PCDHGB3: variants seen among roughly 807,000 people sequenced by gnomAD.
PCDHGB3 encodes protocadherin gamma subfamily B, 3.
A neutral mutation model predicts 59.2 loss-of-function variants in PCDHGB3; 40 were observed. That is an observed-to-expected ratio of 0.68 (90% CI 0.52 to 0.88). The LOEUF is 0.88. Ranked by LOEUF, PCDHGB3 falls within the 40% of genes least tolerant of loss-of-function variation. PCDHGB3 has a pLI of 0.00. For synonymous variants in PCDHGB3, 581 were observed against 503.6 expected (o/e 1.15, Z -2.06); for missense variants, 1,309 against 1,187.9 (o/e 1.10, Z -1.50).
At chr5:141,449,266 G>T (rs1398403120) in intron 1 of PCDHGB3, among the ~76,000 whole-genome samples, 1 of 152,042 alleles carries the variant, frequency 6.6e-6, no homozygotes, top group Non-Finnish European at 1.5e-5. Context: ...ACAAAGAACT[G>T]TATCTCCTTC....
At position 141,477,167 on chromosome 5, in the gene PCDHGB3, G is replaced by A; in HGVS notation, c.2416-17640G>A. On this transcript the variant is annotated intron_variant, in intron 1 of 3. Coordinates refer to ENST00000576222, the MANE Select transcript of PCDHGB3 (RefSeq NM_018924.5). This position sits in a 1 kb window ranked among gnomAD's most constrained non-coding sequence, Gnocchi z 4.9. ...TGTGGATGTGAATGACAACGCCCCGGAGATCACAGTCACCTCCGTGTACAG... is the reference window on the plus strand; with the variant it reads ...TGTGGATGTGAATGACAACGCCCCGAAGATCACAGTCACCTCCGTGTACAG... 6.2e-7 allele frequency: 1 copy of A among 1,614,166 alleles called. No homozygotes were observed. Among genetic ancestry groups the A allele is most frequent in the South Asian group, 1.1e-5 (1 of 91,076 alleles).
At chr5:141,453,495 C>T (rs1490576605) in intron 1 of PCDHGB3, among the ~76,000 whole-genome samples, 1 of 151,968 alleles carries the variant, frequency 6.6e-6, no homozygotes, top group Admixed American at 6.6e-5. Flanking sequence ...AAAAGGTGTA[C>T]TCAGAAAATT....
intron 1 of PCDHGB3, among the ~76,000 whole-genome samples, chr5:141,443,654 G>A (rs2098397947): frequency 6.6e-6 from 1 of 152,150 alleles, no homozygotes; most frequent in Non-Finnish European, 1.5e-5. Context: ...TGTTAGCATA[G>A]CATTTTACTG....
chr5:141,495,205 C>T (rs977479495), intron 2 of PCDHGB3, among the ~76,000 whole-genome samples: 1 of 152,212 alleles, frequency 6.6e-6, no homozygotes, highest in African/African-American at 2.4e-5. Flanking sequence ...TACTGCCTAA[C>T]CCCCTCCCCT....
At chr5:141,401,296 C>A (rs2094138441) in intron 1 of PCDHGB3, among the ~76,000 whole-genome samples, 1 of 152,104 alleles carries the variant, frequency 6.6e-6, no homozygotes, top group Non-Finnish European at 1.5e-5. Flanking sequence ...GAGCCGAGAT[C>A]ACTCCATTGC....
intron 1 of PCDHGB3, chr5:141,399,197 T>G: frequency 6.2e-7 from 1 of 1,613,926 alleles, no homozygotes; most frequent in Non-Finnish European, 8.5e-7. Context: ...GAAAACGCGG[T>G]GCCTGGAACA....
intron 1 of PCDHGB3, chr5:141,390,095 T>TC: frequency 6.2e-7 from 1 of 1,613,972 alleles, no homozygotes; most frequent in South Asian, 1.1e-5. Flanking sequence ...AATCCGTGGT[T>TC]CCCCCCAACT....
chr5:141,433,199 ATCT>A (rs1202688924), intron 1 of PCDHGB3: 4 of 1,579,570 alleles, frequency 2.5e-6, no homozygotes, highest in East Asian at 2.2e-5. Context: ...TTTATATCAA[ATCT>A]TCTTTCTTTT....
chr5:141,420,089 A>G lies in PCDHGB3; in HGVS notation c.2415+47280A>G. On this transcript the variant is annotated intron_variant, in intron 1 of 3. Transcript: ENST00000576222. The stretch of plus-strand genomic sequence containing the variant: ...CGGACCTGTGGGTCCCCCCAACTAC[A>G]GTGAGGGAACGTTGCCCTATGCCTA... 2.5e-6 allele frequency: 4 copies of G among 1,613,986 alleles called. No individual in the cohort carries two copies. Among genetic ancestry groups the G allele is most frequent in the Middle Eastern group, 1.6e-4 (1 of 6,062 alleles).
chr5:141,404,517 A>C (rs1268035794), intron 1 of PCDHGB3: 1 of 1,613,938 alleles, frequency 6.2e-7, no homozygotes, highest in South Asian at 1.1e-5. Flanking sequence ...TCCTTTGACT[A>C]TGAGCAGTTT....
At chr5:141,375,942 G>T in intron 1 of PCDHGB3, 4 of 1,613,518 alleles carry the variant, frequency 2.5e-6, no homozygotes, top group Non-Finnish European at 2.5e-6. Flanking sequence ...TTCTCAGTGG[G>T]CCTGCACACG....
In PCDHGB3 at chr5:141,489,561, G is replaced by A. The variant is rs1750812409; in HGVS notation, c.2416-5246G>A. 6.2e-7 allele frequency: 1 copy of A among 1,614,106 alleles called. No homozygotes were observed. Among genetic ancestry groups the A allele is most frequent in the Non-Finnish European group, 8.5e-7 (1 of 1,180,026 alleles). On this transcript the variant is annotated intron_variant, in intron 1 of 3. Coordinates refer to ENST00000576222, the MANE Select transcript of PCDHGB3 (RefSeq NM_018924.5). The surrounding 1 kb of genome is among the most constrained non-coding windows in gnomAD (Gnocchi z 4.5). Reference sequence around the variant, plus strand: ...GCACCAGCTGCCTGCTGCCAGTGCAGGTGGTGACTGAACACCCCCTGGAGC... The same window carrying A: ...GCACCAGCTGCCTGCTGCCAGTGCAAGTGGTGACTGAACACCCCCTGGAGC...
intron 1 of PCDHGB3, chr5:141,388,006 T>C (rs1353495946): frequency 6.7e-7 from 1 of 1,482,372 alleles, no homozygotes; most frequent in African/African-American, 1.4e-5. Flanking sequence ...CCCGAGGAAA[T>C]GCCCAAGGGC....
At chr5:141,414,452 T>G in intron 1 of PCDHGB3, 1 of 1,613,886 alleles carries the variant, frequency 6.2e-7, no homozygotes, top group Non-Finnish European at 8.5e-7. Context: ...AATATCACAG[T>G]GACAGCCACA....
At chr5:141,423,460 G>A in intron 1 of PCDHGB3, 1 of 1,614,046 alleles carries the variant, frequency 6.2e-7, no homozygotes, top group Non-Finnish European at 8.5e-7. Context: ...TGTAGGCGTG[G>A]ACGGGGTACA....
At position 141,511,256 on chromosome 5, in the gene PCDHGB3, T is replaced by C. The variant is rs1003866304; in HGVS notation, c.*83T>C. On this transcript the variant is annotated 3_prime_UTR_variant, in exon 4 of 4. Transcript: ENST00000576222. ...CTTACCTGCACCCAGGCCTCAGAGT[T>C]TCAGGGCTAACCCCCAGAATACTGG... The C allele has an allele frequency of 1.9e-6, 3 of 1,563,388 alleles. No homozygotes were observed. The highest frequency in any genetic ancestry group is 2.7e-5 in the African/African-American group (2 of 73,508).
rs368927472 is a variant in PCDHGB3 at position 141,490,874 on chromosome 5, A to G, written c.2416-3933A>G. The G allele has an allele frequency of 2.4e-5, 39 of 1,613,830 alleles. No individual in the cohort carries two copies. Among genetic ancestry groups the G allele is most frequent in the Non-Finnish European group, 3.1e-5 (36 of 1,179,960 alleles). ...CGAGACTCCGGCTCTCCCCCATTGCATGCCAACACATCTCTGCATGTGTTT... is the reference window on the plus strand; with the variant it reads ...CGAGACTCCGGCTCTCCCCCATTGCGTGCCAACACATCTCTGCATGTGTTT... On this transcript the variant is annotated intron_variant, in intron 1 of 3. Transcript: ENST00000576222. This position sits in a 1 kb window ranked among gnomAD's most constrained non-coding sequence, Gnocchi z 5.4.
chr5:141,432,887 T>A lies in PCDHGB3; in HGVS notation c.2415+60078T>A, dbSNP rs146168033. On this transcript the variant is annotated intron_variant, in intron 1 of 3. Coordinates refer to ENST00000576222, the MANE Select transcript of PCDHGB3 (RefSeq NM_018924.5). The surrounding 1 kb of genome is among the most constrained non-coding windows in gnomAD (Gnocchi z 6.0). ...CTGCGTCTTCCTGGCCTTCGTCATC[T>A]TGCTGCTGGCGCTCAGGCTGCGGCG... 1.2e-6 allele frequency: 2 copies of A among 1,614,056 alleles called. No homozygotes were observed. Among genetic ancestry groups the A allele is most frequent in the Non-Finnish European group, 1.7e-6 (2 of 1,179,998 alleles).
At chr5:141,428,002 T>G in intron 1 of PCDHGB3, 1 of 1,601,328 alleles carries the variant, frequency 6.2e-7, no homozygotes, top group Non-Finnish European at 8.5e-7. Context: ...TCCGCACTCT[T>G]CGATATAGTG....
Sources: allele counts gnomAD v4.1 joint callset (sites outside exome capture counted in the v4.1 genomes callset), GRCh38; gene constraint gnomAD v4.1.1; non-coding constraint Gnocchi (gnomAD v3.1); transcripts MANE v1.5; gene names NCBI Gene and HGNC (gene_info 2026-07-23, HGNC 2026-07-21).